MPDZ: variants seen among roughly 807,000 people sequenced by gnomAD.
MPDZ encodes the protein multiple PDZ domain crumbs cell polarity complex component.
In MPDZ, 234 loss-of-function variants were observed where a neutral mutation model predicts 239.1. That is an observed-to-expected ratio of 0.98 (90% CI 0.88 to 1.09). MPDZ has a LOEUF of 1.09. Ranked by LOEUF, MPDZ falls within the 50% of genes least tolerant of loss-of-function variation. The pLI is 0.00. For missense variants in MPDZ, 3,175 were observed against 2,510.0 expected, an observed-to-expected ratio of 1.26 and a Z score of -5.66; for synonymous variants, 1,048 against 881.3, an observed-to-expected ratio of 1.19 and a Z score of -3.35.
chr9:13,167,436 T>C (rs184720463), intron 22 of MPDZ, among the ~76,000 whole-genome samples: 1 of 152,266 alleles, frequency 6.6e-6, no homozygotes, highest in African/African-American at 2.4e-5. Flanking sequence ...CTTCTTTTTA[T>C]TGACCACAGA....
Position 13,150,536 on chromosome 9 carries a change from A to C in MPDZ, c.3605T>G (p.Leu1202Trp). The C allele has an allele frequency of 6.3e-7, 1 of 1,574,848 alleles. No homozygotes were observed. The highest frequency in any genetic ancestry group is 8.6e-7 in the Non-Finnish European group (1 of 1,158,950). Reference sequence around the variant, plus strand: ...CTCTACGATTCTATCTCCAGGTTTCAAGGTTCCATTTTTGCCAGCTGGACT... The same window carrying C: ...CTCTACGATTCTATCTCCAGGTTTCCAGGTTCCATTTTTGCCAGCTGGACT... ...EDSPAGKNGT[L>W]KPGDRIVEVD... The change falls in exon 25 of 47, where the codon TTG becomes TGG. Residue 1202 changes from leucine (L) to tryptophan (W), a missense_variant. By Grantham distance (61) the Leu-to-Trp change is moderately conservative. Transcript: ENST00000319217.
At chr9:13,194,200 T>C (rs1450845520) in intron 13 of MPDZ, among the ~76,000 whole-genome samples, 1 of 152,188 alleles carries the variant, frequency 6.6e-6, no homozygotes, top group Non-Finnish European at 1.5e-5. Context: ...ATTACCTTTA[T>C]CTTGCCAAGG....
chr9:13,231,967 A>G (rs2136801123), intron 3 of MPDZ, among the ~76,000 whole-genome samples: 1 of 152,322 alleles, frequency 6.6e-6, no homozygotes, highest in Non-Finnish European at 1.5e-5. Context: ...CACAAAATGA[A>G]CAGAATACAG....
At chr9:13,112,263 T>C (rs1380058320) in intron 42 of MPDZ, 117 bp from the exon 43 acceptor site, 3 of 1,067,032 alleles carry the variant, frequency 2.8e-6, no homozygotes, top group Non-Finnish European at 2.6e-6. Context: ...AGGGGGAAAA[T>C]GAAGAAGTGC....
chr9:13,168,804 G>C (rs1951417854), intron 21 of MPDZ, among the ~76,000 whole-genome samples: 1 of 152,096 alleles, frequency 6.6e-6, no homozygotes, highest in Non-Finnish European at 1.5e-5. Flanking sequence ...CTACATTGTG[G>C]AATGAATGTA....
At chr9:13,203,018 T>C (rs546327657) in intron 12 of MPDZ, among the ~76,000 whole-genome samples, 1 of 152,294 alleles carries the variant, frequency 6.6e-6, no homozygotes, top group East Asian at 1.9e-4. Flanking sequence ...CAAGATGTTG[T>C]GCTGAATGTT....
At chr9:13,213,368 T>C (rs7863916) in intron 10 of MPDZ, among the ~76,000 whole-genome samples, 3,666 of 152,040 alleles carry the variant, frequency 0.024, 137 homozygotes, top group African/African-American at 0.084. Flanking sequence ...CTCTTCAAAA[T>C]AGTAAGAAAT....
Position 13,153,345 on chromosome 9 carries a change from G to A in MPDZ, c.3453-2657C>T, listed in dbSNP as rs571150196. On this transcript the variant is annotated intron_variant, in intron 24 of 46. Coordinates refer to ENST00000319217, the MANE Select transcript of MPDZ (RefSeq NM_001378778.1). ...TGATCCTTGATCTTATAAAATTTTT[G>A]TGAATAAAATAGTTAAAATCCCATT... is the stretch of plus-strand genomic sequence containing the variant. Among the ~76,000 whole-genome samples, 41 of 152,178 alleles carry A rather than the reference G, an allele frequency of 2.7e-4. 1 individual carries two copies. Among genetic ancestry groups the A allele is most frequent in the Non-Finnish European group, 4.4e-4 (30 of 67,986 alleles).
intron 1 of MPDZ, among the ~76,000 whole-genome samples, chr9:13,262,134 A>T (rs1053035864): frequency 4.6e-5 from 7 of 152,142 alleles, no homozygotes; most frequent in Non-Finnish European, 1.0e-4. Flanking sequence ...AACTGTGAAC[A>T]ATATTTATAA....
chr9:13,135,938 T>C, intron 31 of MPDZ, 154 bp downstream of exon 31: 1 of 536,944 alleles, frequency 1.9e-6, no homozygotes, highest in Non-Finnish European at 3.3e-6. Flanking sequence ...TCCATGAGTG[T>C]CTTCTTATAC....
intron 32 of MPDZ, among the ~76,000 whole-genome samples, chr9:13,128,153 G>A (rs901072334): frequency 3.3e-5 from 5 of 152,000 alleles, no homozygotes; most frequent in Non-Finnish European, 7.4e-5. Context: ...TTAAAAATAT[G>A]AGCAGAAATT....
chr9:13,279,270 C>CCCCCACCCCCAT (rs1975064536), intron 1 of MPDZ, 130 bp downstream of exon 1: 1 of 129,660 alleles, frequency 7.7e-6, no homozygotes. Flanking sequence ...CCCACCCCCA[C>CCCCCACCCCCAT]CCCCATCCCC....
At chr9:13,180,524 T>C (rs559258440) in intron 19 of MPDZ, among the ~76,000 whole-genome samples, 2 of 152,212 alleles carry the variant, frequency 1.3e-5, no homozygotes, top group East Asian at 3.9e-4. Context: ...TCTTTATCCA[T>C]TGTATTTTTA....
chr9:13,151,930 G>A (rs1157244589), intron 24 of MPDZ, among the ~76,000 whole-genome samples: 3 of 152,032 alleles, frequency 2.0e-5, no homozygotes, highest in Non-Finnish European at 4.4e-5. Context: ...TCAATTATGT[G>A]TCTTATAGAA....
chr9:13,152,878 G>C (rs566142871), intron 24 of MPDZ, among the ~76,000 whole-genome samples: 48 of 152,220 alleles, frequency 3.2e-4, no homozygotes, highest in African/African-American at 1.1e-3. Flanking sequence ...TACATCTTGT[G>C]AAAAAGCAGG....
chr9:13,227,837 G>A (rs1961119462), intron 3 of MPDZ, among the ~76,000 whole-genome samples: 1 of 152,104 alleles, frequency 6.6e-6, no homozygotes, highest in Admixed American at 6.6e-5. Context: ...AGAGGTTATA[G>A]AGATCACATA....
chr9:13,116,131 C>A (rs1943411719), intron 39 of MPDZ, among the ~76,000 whole-genome samples: 1 of 152,056 alleles, frequency 6.6e-6, no homozygotes, highest in South Asian at 2.1e-4. Flanking sequence ...CAACACAAAA[C>A]ATGAACTGAA....
chr9:13,192,860 G>A (rs189413803), intron 14 of MPDZ, among the ~76,000 whole-genome samples: 1 of 152,188 alleles, frequency 6.6e-6, no homozygotes, highest in Admixed American at 6.5e-5. Flanking sequence ...TGTATTCTCT[G>A]TGATTTTAAA....
chr9:13,201,948 G>C (rs561591321), intron 12 of MPDZ, among the ~76,000 whole-genome samples: 22 of 152,176 alleles, frequency 1.4e-4, no homozygotes, highest in African/African-American at 5.1e-4. Flanking sequence ...ACATTTCATA[G>C]ATCTTCAATT....
Sources: gnomAD v4.1 joint callset for allele counts (sites outside exome capture counted in the v4.1 genomes callset) on GRCh38, gnomAD v4.1.1 for gene constraint, MANE v1.5 for transcripts, NCBI Gene and HGNC (gene_info 2026-07-23, HGNC 2026-07-21) for gene names.